The following TDRD1 variants were observed in gnomAD, a reference collection of about 807,000 sequenced individuals.
The protein encoded by TDRD1 is tudor domain containing 1, also known as tudor domain-containing protein 1.
Under a neutral mutation model 140.6 loss-of-function variants are expected in TDRD1, and 37 were observed. The observed-to-expected ratio is 0.26, with a 90% confidence interval of 0.20 to 0.35. TDRD1 has a LOEUF of 0.35. Ranked by LOEUF, TDRD1 falls within the 10% of genes least tolerant of loss-of-function variation. The pLI, the probability that TDRD1 is intolerant of heterozygous loss-of-function variation, is 1.00. For missense variants in TDRD1, 1,243 were observed against 1,393.0 expected, an observed-to-expected ratio of 0.89 and a Z score of 1.71; for synonymous variants, 506 against 475.7, an observed-to-expected ratio of 1.06 and a Z score of -0.83.
chr10:114,188,292 A>C, intron 2 of TDRD1, 136 bp downstream of exon 2: 2 of 768,948 alleles, frequency 2.6e-6, no homozygotes, highest in South Asian at 6.5e-5. Flanking sequence ...GCATTTCATT[A>C]TTAATTTAGA....
At chr10:114,189,898 T>C (rs1427632852) in intron 2 of TDRD1, among the ~76,000 whole-genome samples, 1 of 152,286 alleles carries the variant, frequency 6.6e-6, no homozygotes, top group Non-Finnish European at 1.5e-5. Context: ...AAGTGCGGGA[T>C]AATCAGTGAA....
chr10:114,222,295 A>T (rs1230219738), intron 20 of TDRD1, among the ~76,000 whole-genome samples: 1 of 152,224 alleles, frequency 6.6e-6, no homozygotes, highest in Non-Finnish European at 1.5e-5. Flanking sequence ...AATACAGCTT[A>T]ATAAGTTTTC....
chr10:114,196,296 C>T (rs944690874), intron 3 of TDRD1, among the ~76,000 whole-genome samples: 2 of 152,180 alleles, frequency 1.3e-5, no homozygotes, highest in African/African-American at 4.8e-5. Context: ...CATTTCTTTT[C>T]TCCTTAGAGA....
intron 1 of TDRD1, among the ~76,000 whole-genome samples, chr10:114,184,193 T>C (rs2033335882): frequency 1.3e-5 from 2 of 151,726 alleles, no homozygotes; most frequent in Admixed American, 6.6e-5. Flanking sequence ...TTACTATAAA[T>C]AGGGTTGAAT....
At chr10:114,178,980 T>C (rs1486708331), upstream of TDRD1, among the ~76,000 whole-genome samples, 1 of 152,204 alleles carries the variant, frequency 6.6e-6, no homozygotes, top group African/African-American at 2.4e-5. Context: ...CGTGTGTGTT[T>C]ACTTTCCAAG....
chr10:114,211,049 A>T, intron 13 of TDRD1, 82 bp downstream of exon 13: 2 of 1,153,360 alleles, frequency 1.7e-6, no homozygotes, highest in Non-Finnish European at 2.4e-6. Flanking sequence ...ATTGAAACAG[A>T]GTCTTTGGTT....
intron 3 of TDRD1, among the ~76,000 whole-genome samples, chr10:114,194,683 TCTG>T (rs1047378503): frequency 3.9e-5 from 6 of 151,940 alleles, no homozygotes; most frequent in African/African-American, 1.4e-4. Context: ...TATTATCTCT[TCTG>T]CTGCTTTTGG....
chr10:114,216,896 A>G (rs1449588472), intron 16 of TDRD1, among the ~76,000 whole-genome samples: 1 of 152,176 alleles, frequency 6.6e-6, no homozygotes, highest in Non-Finnish European at 1.5e-5. Context: ...CTTTTCTTTT[A>G]CTACTACTAA....
In TDRD1 at chr10:114,179,768, C is replaced by T. The variant is rs961008123; in HGVS notation, c.-7+352C>T. The T allele has an allele frequency of 2.0e-5, 3 of 152,256 alleles. No individual in the cohort carries two copies. The South Asian group carries it at 6.2e-4, about 32-fold the overall frequency. 9.4% of individuals were successfully genotyped at this position (152,256 alleles called of 1,614,324 possible). On this transcript the variant is annotated intron_variant, in intron 1 of 25. Transcript: ENST00000251864. ...AGACTTTTTTTTCCCTACTTTCCTC[C>T]TATAGGAAAGGAAGATGTGCTAGGG...
chr10:114,220,742 A>T, exon 19 of TDRD1: 1 of 1,609,470 alleles, frequency 6.2e-7, no homozygotes, highest in Non-Finnish European at 8.5e-7. Context: ...GTTCTGATTG[A>T]TGAACATCTG....
Position 114,213,603 on chromosome 10 carries a change from T to G in TDRD1, c.2074+15T>G. Reference sequence around the variant, plus strand: ...AGAAACCAGTGGTAAGTCAAATGTTTACTGGATAATGCCTGTTCTGGAGTT... The same window carrying G: ...AGAAACCAGTGGTAAGTCAAATGTTGACTGGATAATGCCTGTTCTGGAGTT... On this transcript the variant is annotated intron_variant, in intron 15 of 25. Transcript: ENST00000251864. The G allele has an allele frequency of 6.2e-7, 1 of 1,610,794 alleles. No individual in the cohort carries two copies. The highest frequency in any genetic ancestry group is 1.1e-5 in the South Asian group (1 of 90,826).
rs900644936 is a variant in TDRD1 at position 114,182,996 on chromosome 10, A to G, written c.-7+3580A>G. On this transcript the variant is annotated intron_variant, in intron 1 of 25. Transcript: ENST00000251864. ...ACCGCTCCCGGCCAATCATACGAATATCTTTTGAATGCCTAGTTCTATAAA... is the reference window on the plus strand; with the variant it reads ...ACCGCTCCCGGCCAATCATACGAATGTCTTTTGAATGCCTAGTTCTATAAA... 2.0e-5 allele frequency among the ~76,000 whole-genome samples: 3 copies of G among 152,296 alleles called. No individual in the cohort carries two copies. The East Asian group carries it at 5.8e-4, about 29-fold the overall frequency.
chr10:114,191,167 CT>C, intron 3 of TDRD1, 148 bp downstream of exon 3: 1 of 850,772 alleles, frequency 1.2e-6, no homozygotes, highest in Non-Finnish European at 1.8e-6. Flanking sequence ...AGAAAACTTT[CT>C]TAGGTTATTG....
chr10:114,232,548 C>T (rs2036814297), downstream of TDRD1, among the ~76,000 whole-genome samples: 1 of 116,776 alleles, frequency 8.6e-6, no homozygotes, highest in Non-Finnish European at 1.6e-5. Context: ...TGGCAATGTA[C>T]GTTGTCTAAT....
chr10:114,186,045 T>C (rs897087516), intron 1 of TDRD1, among the ~76,000 whole-genome samples: 1 of 152,236 alleles, frequency 6.6e-6, no homozygotes, highest in Non-Finnish European at 1.5e-5. Context: ...AACTCATTGA[T>C]ACTTGGATTA....
intron 14 of TDRD1, 108 bp downstream of exon 14, chr10:114,212,144 C>A: frequency 1.0e-6 from 1 of 985,176 alleles, no homozygotes; most frequent in Non-Finnish European, 1.5e-6. Flanking sequence ...ACATCATGAT[C>A]AGATGCTTAA....
chr10:114,229,861 C>T (rs1482180674), intron 25 of TDRD1, among the ~76,000 whole-genome samples: 6 of 145,748 alleles, frequency 4.1e-5, no homozygotes, highest in Admixed American at 6.8e-5. Context: ...GAGACAGTCT[C>T]GCTCTGTTGT....
exon 19 of TDRD1, chr10:114,220,823 T>A: frequency 6.2e-7 from 1 of 1,610,330 alleles, no homozygotes; most frequent in Non-Finnish European, 8.5e-7. Flanking sequence ...GAGCTTCAAG[T>A]TCATGTACAG....
upstream of TDRD1, among the ~76,000 whole-genome samples, chr10:114,177,686 G>A (rs2032728738): frequency 6.6e-6 from 1 of 152,116 alleles, no homozygotes. Context: ...CAAAAAGATG[G>A]GCTTTAGTTA....
Sources: allele counts gnomAD v4.1 joint callset (sites outside exome capture counted in the v4.1 genomes callset), GRCh38; gene constraint gnomAD v4.1.1; transcripts MANE v1.5; gene names NCBI Gene and HGNC (gene_info 2026-07-23, HGNC 2026-07-21).